Variants in SMAD4 observed in about 807,000 individuals in gnomAD.
The protein encoded by SMAD4 is MAD homolog 4.
A neutral mutation model predicts 63.2 loss-of-function variants in SMAD4; 7 were observed. The observed-to-expected ratio is 0.11, with a 90% CI of 0.06 to 0.21. SMAD4 has a LOEUF of 0.21. Among genes scored for constraint, SMAD4 ranks in the 10% least tolerant of loss-of-function variants. SMAD4 has a pLI of 1.00. For missense variants in SMAD4, 312 were observed against 693.8 expected (o/e 0.45, Z 6.18); for synonymous variants, 215 against 235.4 (o/e 0.91, Z 0.79).
chr18:51,031,242 A>G (rs78950659), intron 1 of SMAD4, among the ~76,000 whole-genome samples: 1,559 of 152,282 alleles, frequency 0.01, 16 homozygotes, highest in South Asian at 0.023. Context: ...TTAGCACTGC[A>G]TGTACTGACA....
intron 8 of SMAD4, among the ~76,000 whole-genome samples, chr18:51,060,790 T>C (rs542224347): frequency 2.0e-4 from 31 of 152,282 alleles, no homozygotes; most frequent in Non-Finnish European, 4.3e-4. Context: ...AGGGCCACCA[T>C]GCCTGGCTAA....
chr18:51,041,828 T>G (rs1909393221), intron 1 of SMAD4, among the ~76,000 whole-genome samples: 1 of 152,214 alleles, frequency 6.6e-6, no homozygotes, highest in South Asian at 2.1e-4. Context: ...GAAAATAAGC[T>G]TTTGTTTTAA....
rs2144478737 is a variant in SMAD4, at chr18:51,078,339, C to T, written c.1531C>T (p.Pro511Ser). 6.2e-7 allele frequency: 1 copy of T among 1,614,144 alleles called. No individual in the cohort carries two copies. The highest frequency in any genetic ancestry group is 8.5e-7 in the Non-Finnish European group (1 of 1,180,006). ...GATGAGTTTTGTGAAAGGCTGGGGACCGGATTACCCAAGACAGAGCATCAA... is the reference window on the plus strand; with the variant it reads ...GATGAGTTTTGTGAAAGGCTGGGGATCGGATTACCCAAGACAGAGCATCAA... ...LRMSFVKGWG[P>S]DYPRQSIKET... The change falls in exon 12 of 12, where the codon CCG becomes TCG. Residue 511 changes from proline (P) to serine (S), a missense_variant. Physicochemically the swap from Pro to Ser is moderately conservative, Grantham distance 74. This residue lies in a region of SMAD4 where 92 missense variants were observed against 305.9 expected (regional missense o/e 0.30). Coordinates refer to ENST00000342988, the MANE Select transcript of SMAD4 (RefSeq NM_005359.6).
At chr18:51,063,301 C>T (rs1384022222) in intron 8 of SMAD4, among the ~76,000 whole-genome samples, 3 of 152,074 alleles carry the variant, frequency 2.0e-5, no homozygotes, top group African/African-American at 4.8e-5. Context: ...TTGTCTTAGA[C>T]AATCTCTGTA....
intron 1 of SMAD4, among the ~76,000 whole-genome samples, chr18:51,035,913 A>T (rs1029898728): frequency 6.6e-6 from 1 of 152,160 alleles, no homozygotes; most frequent in African/African-American, 2.4e-5. Context: ...GAGGCATGGG[A>T]ATCTGTGTTA....
Position 51,084,012 on chromosome 18 carries a change from G to GCACGCGCGCGCGCACA in SMAD4, c.*5548_*5549insGCGCGCGCGCACACAC. The GCACGCGCGCGCGCACA allele has an allele frequency of 6.6e-6, 1 of 152,640 alleles. No individual in the cohort carries two copies. Among genetic ancestry groups the GCACGCGCGCGCGCACA allele is most frequent in the Non-Finnish European group, 1.3e-5 (1 of 74,088 alleles). 9.5% of individuals were successfully genotyped at this position (152,640 alleles called of 1,614,324 possible). A position where few individuals can be genotyped will look rare whatever the true frequency, so the allele number is the denominator to read the frequency against. ...TTAACGCGCGTGCGCACGCGCGCGC[G>GCACGCGCGCGCGCACA]CACACACACACACACACACACACAC... is the stretch of plus-strand genomic sequence containing the variant. On this transcript the variant is annotated 3_prime_UTR_variant, in exon 12 of 12. Transcript: ENST00000342988.
At position 51,079,692 on chromosome 18, in the gene SMAD4, G is replaced by GTT. The variant is rs1398554636; in HGVS notation, c.*1226_*1227dup. ...TTGTATAGAGAATTTAAGTAGAAAA[G>GTT]TTGCAGATGTATTGACTGTACCACA... On this transcript the variant is annotated 3_prime_UTR_variant, in exon 12 of 12. Transcript: ENST00000342988. 1.3e-5 allele frequency: 3 copies of GTT among 233,452 alleles called. No individual in the cohort carries two copies. The highest frequency in any genetic ancestry group is 2.5e-5 in the Non-Finnish European group (3 of 117,940). The allele number at this position is 233,452 out of a possible 1,614,324, so 14.5% of individuals were successfully genotyped here.
chr18:51,069,549 T>G (rs2144458659), intron 10 of SMAD4, among the ~76,000 whole-genome samples: 1 of 152,346 alleles, frequency 6.6e-6, no homozygotes, highest in Non-Finnish European at 1.5e-5. Context: ...TGCTTCACCC[T>G]ATGTGGCAAT....
At chr18:51,033,110 C>T (rs879262498) in intron 1 of SMAD4, among the ~76,000 whole-genome samples, 1 of 151,490 alleles carries the variant, frequency 6.6e-6, no homozygotes, top group Non-Finnish European at 1.5e-5. Context: ...GACCATTAAT[C>T]GCGTATAAAA....
chr18:51,032,490 A>G (rs1234710876), intron 1 of SMAD4, among the ~76,000 whole-genome samples: 1 of 152,320 alleles, frequency 6.6e-6, no homozygotes, highest in African/African-American at 2.4e-5. Context: ...TTCTCCCTCT[A>G]CTAGGAAGCA....
In SMAD4 at chr18:51,079,494, A is replaced by T. The variant is rs1910554985; in HGVS notation, c.*1027A>T. On this transcript the variant is annotated 3_prime_UTR_variant, in exon 12 of 12. Transcript: ENST00000342988. ...ACAGTTCATAATAGGTAGTTTGGAT[A>T]TTTTTGTACTTGATTTGATGTGACT... 1 of 233,278 alleles carries T rather than the reference A, an allele frequency of 4.3e-6. No homozygotes were observed. Among genetic ancestry groups the T allele is most frequent in the African/African-American group, 2.2e-5 (1 of 45,334 alleles). 14.5% of individuals were successfully genotyped at this position (233,278 alleles called of 1,614,324 possible).
rs1909801469 is a variant in SMAD4 at position 51,054,952 on chromosome 18, C to T, written c.626C>T (p.Thr209Ile). Reference protein sequence around the residue: ...ALLAPSESNATSTANFPNIPV... With the variant: ...ALLAPSESNAISTANFPNIPV... ...TTAGCCCCATCTGAGTCTAATGCTA[C>T]CAGCACTGCCAACTTTCCCAACATT... Residue 209 changes from threonine to isoleucine, a missense_variant, in exon 5 of 12, where the codon ACC (threonine) becomes ATC (isoleucine). Around this residue, in one of 4 missense-constraint regions of SMAD4, gnomAD observed 169 missense variants for 211.0 expected, o/e 0.80. Coordinates refer to ENST00000342988, the MANE Select transcript of SMAD4 (RefSeq NM_005359.6). 1 of 1,614,106 alleles carries T rather than the reference C, an allele frequency of 6.2e-7. No individual in the cohort carries two copies. Among genetic ancestry groups the T allele is most frequent in the Non-Finnish European group, 8.5e-7 (1 of 1,179,966 alleles).
chr18:51,074,475 A>C (rs1035420220), intron 10 of SMAD4, among the ~76,000 whole-genome samples: 10 of 152,234 alleles, frequency 6.6e-5, no homozygotes, highest in African/African-American at 1.2e-4. Context: ...AGAATGTACA[A>C]CACCAAGAGT....
intron 10 of SMAD4, among the ~76,000 whole-genome samples, chr18:51,076,043 A>G (rs182490580): frequency 1.3e-5 from 2 of 152,352 alleles, no homozygotes; most frequent in East Asian, 3.9e-4. Flanking sequence ...CATCGCACGG[A>G]TTAAGTAGTT....
At position 51,080,656 on chromosome 18, in the gene SMAD4, C is replaced by T. The variant is rs1450333853; in HGVS notation, c.*2189C>T. 2.3e-5 allele frequency: 4 copies of T among 177,488 alleles called. No homozygotes were observed. The highest frequency in any genetic ancestry group is 4.8e-5 in the Non-Finnish European group (4 of 82,736). 11.0% of individuals were successfully genotyped at this position (177,488 alleles called of 1,614,324 possible). A position where few individuals can be genotyped will look rare whatever the true frequency, so the allele number is the denominator to read the frequency against. Reference sequence around the variant, plus strand: ...TCCCGGGTTCAACTGATTCTCCTGCCTCAGCCTCCCTGGTAGCTAGGATTA... The same window carrying T: ...TCCCGGGTTCAACTGATTCTCCTGCTTCAGCCTCCCTGGTAGCTAGGATTA... On this transcript the variant is annotated 3_prime_UTR_variant, in exon 12 of 12. Transcript: ENST00000342988.
chr18:51,060,725 C>G (rs1329783247), intron 8 of SMAD4, among the ~76,000 whole-genome samples: 1 of 152,064 alleles, frequency 6.6e-6, no homozygotes, highest in Non-Finnish European at 1.5e-5. Context: ...CCTTGACCTC[C>G]TAGTCTCAAG....
intron 11 of SMAD4, chr18:51,077,479 A>G (rs563227554): frequency 7.3e-5 from 40 of 545,368 alleles, no homozygotes; most frequent in Non-Finnish European, 8.6e-5. Context: ...TCTACAGTAC[A>G]TGCAAATTCC....
chr18:51,044,941 A>G (rs959069339), intron 1 of SMAD4: 2 of 152,242 alleles, frequency 1.3e-5, no homozygotes, highest in African/African-American at 4.8e-5. Flanking sequence ...AATGTGGGCA[A>G]GTGCTCTAAG....
intron 1 of SMAD4, among the ~76,000 whole-genome samples, chr18:51,033,915 A>G (rs1195467083): frequency 6.6e-6 from 1 of 152,172 alleles, no homozygotes. Flanking sequence ...GATTCTTACA[A>G]TTTATAAGGT....
Sources: allele counts gnomAD v4.1 joint callset (sites outside exome capture counted in the v4.1 genomes callset), GRCh38; gene constraint gnomAD v4.1.1; regional missense constraint gnomAD v4.1.1; transcripts MANE v1.5; gene names NCBI Gene and HGNC (gene_info 2026-07-23, HGNC 2026-07-21).